Variants in NT5C2 observed in about 807,000 individuals in gnomAD.
NT5C2 encodes the protein cytosolic purine 5'-nucleotidase.
NT5C2 carries 58 observed loss-of-function variants against 76.1 expected under a neutral mutation model. The observed-to-expected ratio is 0.76, with a 90% confidence interval of 0.62 to 0.95. NT5C2 has a LOEUF of 0.95. NT5C2 is among the 40% of genes least tolerant of loss of function. The pLI is 0.00. For missense variants in NT5C2, 478 were observed against 690.3 expected (o/e 0.69, Z 3.45); for synonymous variants, 229 against 237.4 (o/e 0.96, Z 0.32).
chr10:103,108,166 AG>A lies in NT5C2; in HGVS notation c.176-1461del, dbSNP rs562223325. On this transcript the variant is annotated intron_variant, in intron 4 of 18. Coordinates refer to ENST00000404739, the MANE Select transcript of NT5C2 (RefSeq NM_001351169.2). ...TGAGACTGTCTCAAAAAGAAAAAAA[AG>A]AAAAGAAAAGAAAATGTTGCTCCTT... Among the ~76,000 whole-genome samples the A allele has an allele frequency of 4.6e-3, 696 of 152,312 alleles. 1 individual carries two copies. Among genetic ancestry groups the A allele is most frequent in the Middle Eastern group, 6.8e-3 (2 of 294 alleles).
At chr10:103,096,232 C>T (rs1265334583) in intron 11 of NT5C2, among the ~76,000 whole-genome samples, 1 of 152,112 alleles carries the variant, frequency 6.6e-6, no homozygotes, top group Non-Finnish European at 1.5e-5. Flanking sequence ...TGTTTTTGAA[C>T]ACACATTTGG....
At chr10:103,090,175 A>G in intron 18 of NT5C2, 1 of 408,524 alleles carries the variant, frequency 2.4e-6, no homozygotes, top group Non-Finnish European at 4.3e-6. Flanking sequence ...TTTACAGCAA[A>G]AACAAGATAG....
chr10:103,120,676 C>T (rs896701063), intron 4 of NT5C2, among the ~76,000 whole-genome samples: 1 of 152,188 alleles, frequency 6.6e-6, no homozygotes, highest in African/African-American at 2.4e-5. Flanking sequence ...AACTCTCATT[C>T]ATGTATTGCT....
At chr10:103,136,846 G>A (rs200342005) in intron 4 of NT5C2, among the ~76,000 whole-genome samples, 6 of 151,924 alleles carry the variant, frequency 3.9e-5, no homozygotes, top group African/African-American at 1.2e-4. Context: ...GGCTGGTCTC[G>A]AACTCCTGTC....
intron 1 of NT5C2, among the ~76,000 whole-genome samples, chr10:103,185,429 T>C (rs1208389550): frequency 1.3e-5 from 2 of 151,890 alleles, no homozygotes; most frequent in Non-Finnish European, 2.9e-5. Flanking sequence ...GCGGATCCCT[T>C]GAGCCTAGGA....
At position 103,091,064 on chromosome 10, in the gene NT5C2, T is replaced by C. The variant is rs370698484; in HGVS notation, c.1212-68A>G. The C allele has an allele frequency of 4.8e-4, 669 of 1,398,544 alleles. 4 individuals are homozygous for C. The African/African-American group carries it at 8.3e-3, about 17-fold the overall frequency. 86.6% of individuals were successfully genotyped at this position (1,398,544 alleles called of 1,614,324 possible). ...CTTTTTTTTATTCTTTAAGACAGTC[T>C]CATTCTGTCACTCAGGCTGGAGTGC... On this transcript the variant is annotated intron_variant, in intron 16 of 18. Coordinates refer to ENST00000404739, the MANE Select transcript of NT5C2 (RefSeq NM_001351169.2).
chr10:103,144,346 C>CT (rs1208299693), intron 3 of NT5C2, among the ~76,000 whole-genome samples: 2 of 152,126 alleles, frequency 1.3e-5, no homozygotes, highest in African/African-American at 2.4e-5. Flanking sequence ...AAAGAAACAG[C>CT]TTTTACTCTC....
intron 4 of NT5C2, among the ~76,000 whole-genome samples, chr10:103,130,741 C>A (rs980971035): frequency 7.9e-5 from 12 of 151,998 alleles, no homozygotes; most frequent in African/African-American, 2.4e-4. Flanking sequence ...ACCACTAATT[C>A]TATCAACTCC....
intron 14 of NT5C2, among the ~76,000 whole-genome samples, 195 bp from the exon 15 acceptor site, chr10:103,093,504 G>GCT (rs1274302779): frequency 2.6e-5 from 4 of 152,280 alleles, no homozygotes; most frequent in Admixed American, 6.5e-5. Context: ...GCTGACCAGA[G>GCT]CTCTTGCTCA....
At chr10:103,125,239 T>C in intron 4 of NT5C2, 2 of 762,370 alleles carry the variant, frequency 2.6e-6, no homozygotes, top group South Asian at 2.8e-5. Context: ...TTTTCCCAGC[T>C]CTGTGATCAT....
chr10:103,089,528 A>G lies in NT5C2; in HGVS notation c.*144T>C, dbSNP rs531011106. 3.2e-4 allele frequency: 443 copies of G among 1,378,174 alleles called. 1 individual carries two copies. In the East Asian group the frequency reaches 6.2e-3, roughly 19 times the overall value. The allele number at this position is 1,378,174 out of a possible 1,614,324, so 85.4% of individuals were successfully genotyped here. A position where few individuals can be genotyped will look rare whatever the true frequency, so the allele number is the denominator to read the frequency against. On this transcript the variant is annotated 3_prime_UTR_variant, in exon 19 of 19. Transcript: ENST00000404739. ...CAAAACCAAAACAAGTATCTATGATAATAAAATCTTCAGAAACTTTTCAGA... is the reference window on the plus strand; with the variant it reads ...CAAAACCAAAACAAGTATCTATGATGATAAAATCTTCAGAAACTTTTCAGA...
chr10:103,188,213 C>T (rs1300137382), intron 1 of NT5C2, among the ~76,000 whole-genome samples: 1 of 152,012 alleles, frequency 6.6e-6, no homozygotes, highest in Admixed American at 6.6e-5. Flanking sequence ...AAAAAATTAG[C>T]CAGGCATGGT....
intron 3 of NT5C2, among the ~76,000 whole-genome samples, chr10:103,171,913 T>A (rs890056739): frequency 7.2e-5 from 11 of 151,942 alleles, no homozygotes; most frequent in Non-Finnish European, 1.0e-4. Context: ...AATTTTTTTT[T>A]AAAATACAGG....
At chr10:103,156,468 C>G (rs1405627229) in intron 3 of NT5C2, among the ~76,000 whole-genome samples, 1 of 152,168 alleles carries the variant, frequency 6.6e-6, no homozygotes, top group Non-Finnish European at 1.5e-5. Flanking sequence ...AAAAAGCTTT[C>G]AAGGGGCCAC....
chr10:103,168,464 A>G (rs1280105399), intron 3 of NT5C2, among the ~76,000 whole-genome samples: 1 of 152,246 alleles, frequency 6.6e-6, no homozygotes, highest in Non-Finnish European at 1.5e-5. Flanking sequence ...TGGTAAATAC[A>G]AATTCTGATC....
At chr10:103,114,172 T>C (rs936643992) in intron 4 of NT5C2, among the ~76,000 whole-genome samples, 1 of 152,178 alleles carries the variant, frequency 6.6e-6, no homozygotes. Context: ...CCCAGCACTT[T>C]GGGAGGCCAA....
chr10:103,183,262 G>GATATATAT (rs201371414), intron 1 of NT5C2, among the ~76,000 whole-genome samples: 9,414 of 73,078 alleles, frequency 0.13, 906 homozygotes, highest in Non-Finnish European at 0.16. Flanking sequence ...GTGTGTGTGT[G>GATATATAT]ATATATATAT....
intron 4 of NT5C2, among the ~76,000 whole-genome samples, chr10:103,133,216 A>G (rs1287382155): frequency 1.3e-5 from 2 of 151,598 alleles, no homozygotes; most frequent in East Asian, 3.9e-4. Context: ...TTTGCCTTTC[A>G]CCTTCCACCA....
At chr10:103,098,839 T>C in intron 10 of NT5C2, 92 bp downstream of exon 10, 1 of 894,120 alleles carries the variant, frequency 1.1e-6, no homozygotes, top group East Asian at 2.6e-5. Flanking sequence ...ATCTCTTCTT[T>C]TGTCCATTTC....
Sources: gnomAD v4.1 joint callset for allele counts (sites outside exome capture counted in the v4.1 genomes callset) on GRCh38, gnomAD v4.1.1 for gene constraint, MANE v1.5 for transcripts, NCBI Gene and HGNC (gene_info 2026-07-23, HGNC 2026-07-21) for gene names.